Variants in CACNB2 observed in about 807,000 individuals in gnomAD.
The protein encoded by CACNB2 is voltage-dependent L-type calcium channel subunit beta-2.
A neutral mutation model predicts 73.3 loss-of-function variants in CACNB2; 42 were observed. The ratio of observed to expected loss-of-function variants is 0.57; its 90% CI spans 0.45 to 0.74. The LOEUF (loss-of-function observed/expected upper bound fraction) is 0.74, where lower values mean the gene tolerates loss of function less well. Among genes scored for constraint, CACNB2 ranks in the 30% least tolerant of loss-of-function variants. The pLI is 0.00. For synonymous variants in CACNB2, 348 were observed against 310.3 expected (o/e 1.12, Z -1.28); for missense variants, 940 against 853.0 (o/e 1.10, Z -1.27).
chr10:18,353,499 CT>C (rs1249568204), intron 2 of CACNB2, among the ~76,000 whole-genome samples: 1 of 152,110 alleles, frequency 6.6e-6, no homozygotes, highest in African/African-American at 2.4e-5. Flanking sequence ...CTTCTCAACT[CT>C]TTTTAACTCT....
chr10:18,502,627 G>T (rs2050258619), intron 5 of CACNB2, among the ~76,000 whole-genome samples: 1 of 136,782 alleles, frequency 7.3e-6, no homozygotes, highest in Non-Finnish European at 1.5e-5. Context: ...GGAGGCAGAG[G>T]TTGAAGTGAG....
chr10:18,373,042 G>A (rs2042653211), intron 2 of CACNB2, among the ~76,000 whole-genome samples: 2 of 151,738 alleles, frequency 1.3e-5, no homozygotes, highest in South Asian at 4.2e-4. Context: ...TCTGAAACTC[G>A]TGGCCTCAAG....
chr10:18,387,093 G>A (rs117455966), intron 2 of CACNB2, among the ~76,000 whole-genome samples: 3,663 of 152,274 alleles, frequency 0.024, 50 homozygotes, highest in South Asian at 0.033. Flanking sequence ...TCGTCTCAGA[G>A]CCGTCATCTT....
At chr10:18,208,183 T>G (rs1057480506) in intron 2 of CACNB2, among the ~76,000 whole-genome samples, 1 of 152,178 alleles carries the variant, frequency 6.6e-6, no homozygotes, top group African/African-American at 2.4e-5. Flanking sequence ...AAAGGCTGTT[T>G]TAGCTGGACA....
intron 2 of CACNB2, among the ~76,000 whole-genome samples, chr10:18,375,831 A>G (rs528378644): frequency 1.3e-5 from 2 of 152,240 alleles, no homozygotes; most frequent in Non-Finnish European, 2.9e-5. Context: ...AATACCTTTG[A>G]CATAGATTTG....
At chr10:18,200,958 C>G (rs2034851429) in intron 2 of CACNB2, among the ~76,000 whole-genome samples, 1 of 152,150 alleles carries the variant, frequency 6.6e-6, no homozygotes, top group African/African-American at 2.4e-5. Context: ...TCCATGACAT[C>G]TATACCAACT....
At chr10:18,157,121 T>C (rs891065988) in intron 2 of CACNB2, among the ~76,000 whole-genome samples, 1 of 152,228 alleles carries the variant, frequency 6.6e-6, no homozygotes, top group African/African-American at 2.4e-5. Context: ...TGTCATTCTT[T>C]TAGGTTGCAG....
intron 10 of CACNB2, among the ~76,000 whole-genome samples, chr10:18,532,684 AAAAAAAAAAAAAC>A (rs1288201573): frequency 1.9e-4 from 12 of 63,246 alleles, no homozygotes; most frequent in Non-Finnish European, 3.3e-4. Flanking sequence ...CTCAAAAAAA[AAAAAAAAAAAAAC>A]AAAACAAAAA....
Position 18,140,686 on chromosome 10 carries a change from G to A in CACNB2, c.-51G>A, listed in dbSNP as rs1402612248. On this transcript the variant is annotated 5_prime_UTR_variant, in exon 1 of 14. Transcript: ENST00000324631. ...GCGGGGAGGCGGGGGCGAGGAGGAG[G>A]GGACCCGCCGCCGGGGGCTGGCTGC... 1 of 1,520,662 alleles carries A rather than the reference G, an allele frequency of 6.6e-7. No homozygotes were observed. Among genetic ancestry groups the A allele is most frequent in the Admixed American group, 1.9e-5 (1 of 53,920 alleles). The allele number at this position is 1,520,662 out of a possible 1,614,324, so 94.2% of individuals were successfully genotyped here.
chr10:18,223,354 T>C (rs1462515522), intron 2 of CACNB2, among the ~76,000 whole-genome samples: 2 of 152,216 alleles, frequency 1.3e-5, no homozygotes, highest in African/African-American at 2.4e-5. Context: ...GTCAGTAATA[T>C]ACATCCAGCC....
intron 2 of CACNB2, among the ~76,000 whole-genome samples, chr10:18,169,777 T>C (rs905357725): frequency 6.6e-6 from 1 of 152,188 alleles, no homozygotes; most frequent in Non-Finnish European, 1.5e-5. Context: ...CCTATGCTGA[T>C]CGTCTAAAAG....
At chr10:18,354,171 A>G (rs1028046030) in intron 2 of CACNB2, among the ~76,000 whole-genome samples, 4 of 152,234 alleles carry the variant, frequency 2.6e-5, no homozygotes, top group African/African-American at 9.6e-5. Context: ...ATAGACCTCA[A>G]GGCTCAAATA....
chr10:18,520,401 C>T (rs1362726169), intron 9 of CACNB2, among the ~76,000 whole-genome samples: 1 of 152,176 alleles, frequency 6.6e-6, no homozygotes, highest in Admixed American at 6.5e-5. Flanking sequence ...TCTCACACAT[C>T]CTCTGCCACC....
At chr10:18,151,948 C>A (rs1371129196) in intron 2 of CACNB2, among the ~76,000 whole-genome samples, 1 of 152,176 alleles carries the variant, frequency 6.6e-6, no homozygotes, top group Non-Finnish European at 1.5e-5. Flanking sequence ...TCCACCCCTG[C>A]CCCCTGTTTG....
intron 2 of CACNB2, among the ~76,000 whole-genome samples, chr10:18,350,379 C>T (rs1416560808): frequency 6.6e-6 from 1 of 152,166 alleles, no homozygotes; most frequent in Non-Finnish European, 1.5e-5. Context: ...GCGTGGGGTC[C>T]CACAGGTGTC....
intron 3 of CACNB2, among the ~76,000 whole-genome samples, chr10:18,486,632 G>A (rs376246011): frequency 5.9e-5 from 9 of 152,254 alleles, no homozygotes; most frequent in South Asian, 4.1e-4. Context: ...TAGTTCTTGC[G>A]TATACCCATC....
At chr10:18,406,153 T>G (rs1442853484) in intron 3 of CACNB2, among the ~76,000 whole-genome samples, 1 of 152,218 alleles carries the variant, frequency 6.6e-6, no homozygotes, top group African/African-American at 2.4e-5. Context: ...GTCTTTTGCC[T>G]GCAAGAAGCT....
intron 2 of CACNB2, among the ~76,000 whole-genome samples, chr10:18,172,486 TG>T (rs2033311414): frequency 6.6e-6 from 1 of 152,194 alleles, no homozygotes; most frequent in African/African-American, 2.4e-5. Flanking sequence ...TTCCACGCAT[TG>T]TTTTTTTGTA....
At chr10:18,446,087 G>A (rs181256703) in intron 3 of CACNB2, among the ~76,000 whole-genome samples, 47 of 152,180 alleles carry the variant, frequency 3.1e-4, no homozygotes, top group African/African-American at 1.1e-3. Flanking sequence ...AATAAGACTT[G>A]GAGAAGTTGT....
Sources: allele counts gnomAD v4.1 joint callset (sites outside exome capture counted in the v4.1 genomes callset), GRCh38; gene constraint gnomAD v4.1.1; transcripts MANE v1.5; gene names NCBI Gene and HGNC (gene_info 2026-07-23, HGNC 2026-07-21).